ZBTB20: variants seen among roughly 807,000 people sequenced by gnomAD.
ZBTB20 encodes the protein zinc finger and BTB domain-containing protein 20.
A neutral mutation model predicts 56.9 loss-of-function variants in ZBTB20; 9 were observed. The observed-to-expected ratio is 0.16, with a 90% CI of 0.10 to 0.28. The LOEUF is 0.28. Ranked by LOEUF, ZBTB20 falls within the 10% of genes least tolerant of loss-of-function variation. The pLI, the probability that ZBTB20 is intolerant of heterozygous loss-of-function variation, is 1.00. For synonymous variants in ZBTB20, 417 were observed against 420.7 expected, an observed-to-expected ratio of 0.99 and a Z score of 0.11; for missense variants, 655 against 1,003.0, an observed-to-expected ratio of 0.65 and a Z score of 4.69.
intron 10 of ZBTB20, chr3:114,379,281 C>T (rs1293797115): frequency 6.6e-6 from 1 of 152,148 alleles, no homozygotes; most frequent in African/African-American, 2.4e-5. Context: ...CAGTTATTTG[C>T]ATGTTACCAG....
At chr3:114,448,366 C>T (rs1333860411) in intron 7 of ZBTB20, among the ~76,000 whole-genome samples, 2 of 151,612 alleles carry the variant, frequency 1.3e-5, no homozygotes, top group Non-Finnish European at 2.9e-5. Flanking sequence ...TCTGGTATTT[C>T]CTGGTTCTGT....
intron 6 of ZBTB20, among the ~76,000 whole-genome samples, chr3:114,542,858 A>C (rs1166003652): frequency 6.6e-6 from 1 of 152,210 alleles, no homozygotes; most frequent in Non-Finnish European, 1.5e-5. Flanking sequence ...AACTTACTGC[A>C]CTGTTCCTGG....
intron 4 of ZBTB20, among the ~76,000 whole-genome samples, chr3:114,823,473 C>T (rs2073361735): frequency 1.3e-5 from 2 of 151,838 alleles, no homozygotes; most frequent in Non-Finnish European, 2.9e-5. Context: ...AAGAAAAAAT[C>T]AAAGAACTCT....
intron 6 of ZBTB20, among the ~76,000 whole-genome samples, chr3:114,651,245 C>T (rs2060112501): frequency 6.6e-6 from 1 of 151,910 alleles, no homozygotes; most frequent in South Asian, 2.1e-4. Flanking sequence ...TACAATCAGA[C>T]TTGGGCAGTA....
chr3:114,943,416 A>C (rs1249449877), intron 3 of ZBTB20, among the ~76,000 whole-genome samples: 1 of 145,920 alleles, frequency 6.9e-6, no homozygotes, highest in Non-Finnish European at 1.5e-5. Context: ...ATAGACAAAA[A>C]CATAAATTCA....
intron 6 of ZBTB20, among the ~76,000 whole-genome samples, chr3:114,588,015 CG>C (rs1448349540): frequency 2.6e-5 from 4 of 152,130 alleles, no homozygotes; most frequent in Admixed American, 1.3e-4. Context: ...GGGTGTTTGG[CG>C]GCATCTCCTT....
At chr3:114,987,221 A>G (rs1204244760) in intron 2 of ZBTB20, among the ~76,000 whole-genome samples, 16 of 152,158 alleles carry the variant, frequency 1.1e-4, no homozygotes, top group Admixed American at 1.0e-3. Context: ...TCCCAGTAAA[A>G]GTAAACCTTG....
At chr3:114,922,724 G>A (rs1217853426) in intron 3 of ZBTB20, among the ~76,000 whole-genome samples, 1 of 152,226 alleles carries the variant, frequency 6.6e-6, no homozygotes, top group Non-Finnish European at 1.5e-5. Flanking sequence ...TGAAGCCAGT[G>A]TGTGGAGATT....
intron 5 of ZBTB20, among the ~76,000 whole-genome samples, chr3:114,751,048 T>C (rs1477573104): frequency 2.6e-5 from 4 of 152,186 alleles, no homozygotes; most frequent in Non-Finnish European, 5.9e-5. Flanking sequence ...TTTATGAGGG[T>C]ATTTAAATAG....
intron 6 of ZBTB20, among the ~76,000 whole-genome samples, chr3:114,540,017 A>G (rs1052268676): frequency 6.6e-6 from 1 of 151,712 alleles, no homozygotes; most frequent in African/African-American, 2.4e-5. Flanking sequence ...ATGAAGTACT[A>G]AGCTTAGTAC....
At chr3:114,932,354 C>G (rs574267165) in intron 3 of ZBTB20, among the ~76,000 whole-genome samples, 155 of 152,334 alleles carry the variant, frequency 1.0e-3, no homozygotes, top group Non-Finnish European at 1.6e-3. Context: ...TGTCTTTGAT[C>G]CATGGTTTCT....
At chr3:114,544,017 C>T (rs1197140270) in intron 6 of ZBTB20, among the ~76,000 whole-genome samples, 1 of 152,162 alleles carries the variant, frequency 6.6e-6, no homozygotes, top group Non-Finnish European at 1.5e-5. Flanking sequence ...ATTCATTGAG[C>T]ACCTACTATT....
chr3:114,453,626 T>C (rs1305253115), intron 7 of ZBTB20: 1 of 152,110 alleles, frequency 6.6e-6, no homozygotes, highest in African/African-American at 2.4e-5. Flanking sequence ...AGATGCATCC[T>C]GAACAACTTT....
chr3:115,136,218 T>C (rs898048452), intron 1 of ZBTB20, among the ~76,000 whole-genome samples: 4 of 152,098 alleles, frequency 2.6e-5, no homozygotes, highest in Non-Finnish European at 5.9e-5. Context: ...GATAGAAAAC[T>C]GTGAGCATGT....
intron 4 of ZBTB20, among the ~76,000 whole-genome samples, chr3:114,827,746 G>A (rs143991965): frequency 0.011 from 1,743 of 151,756 alleles, 15 homozygotes; most frequent in South Asian, 0.042. Context: ...TGACTTCTCA[G>A]TTCTTCAATA....
intron 5 of ZBTB20, among the ~76,000 whole-genome samples, chr3:114,781,721 G>A (rs1252833541): frequency 6.6e-6 from 1 of 152,160 alleles, no homozygotes; most frequent in African/African-American, 2.4e-5. Flanking sequence ...CCCACATATT[G>A]TGGGAGGAAC....
intron 4 of ZBTB20, among the ~76,000 whole-genome samples, chr3:114,851,219 T>A (rs2074984831): frequency 6.6e-6 from 1 of 152,152 alleles, no homozygotes; most frequent in Non-Finnish European, 1.5e-5. Context: ...TATTCAATGC[T>A]AATGGAAAAA....
At chr3:114,867,209 C>G (rs1371493919) in intron 4 of ZBTB20, among the ~76,000 whole-genome samples, 2 of 152,046 alleles carry the variant, frequency 1.3e-5, no homozygotes, top group Admixed American at 6.6e-5. Context: ...GCAGCTAGGT[C>G]AGATGATAAG....
Position 114,943,648 on chromosome 3 carries a change from A to G in ZBTB20, c.-456+30718T>C, listed in dbSNP as rs1372162068. Among the ~76,000 whole-genome samples the G allele has an allele frequency of 2.1e-5, 3 of 145,418 alleles. 1 individual carries two copies. The highest frequency in any genetic ancestry group is 8.4e-5 in the African/African-American group (3 of 35,654). ...AAGTTGTGAACTTGAAAATAGGTTAATAGAAAATATCCAGAATAAAACAAA... is the reference window on the plus strand; with the variant it reads ...AAGTTGTGAACTTGAAAATAGGTTAGTAGAAAATATCCAGAATAAAACAAA... On this transcript the variant is annotated intron_variant, in intron 3 of 11. Transcript: ENST00000675478.
Sources: allele counts gnomAD v4.1 joint callset (sites outside exome capture counted in the v4.1 genomes callset), GRCh38; gene constraint gnomAD v4.1.1; transcripts MANE v1.5; gene names NCBI Gene and HGNC (gene_info 2026-07-23, HGNC 2026-07-21).